Variants in ARHGEF3 observed in about 807,000 individuals in gnomAD.
ARHGEF3 encodes the protein Rho guanine nucleotide exchange factor 3.
ARHGEF3 carries 28 observed loss-of-function variants against 63.2 expected under a neutral mutation model. That is an observed-to-expected ratio of 0.44 (90% CI 0.33 to 0.61). The LOEUF is 0.61. ARHGEF3 is among the 20% of genes least tolerant of loss of function. The probability of loss-of-function intolerance (pLI) is 0.03; values close to 1 mark genes in which losing one functional copy is unlikely to be tolerated. For synonymous variants in ARHGEF3, 266 were observed against 254.2 expected (o/e 1.05, Z -0.44); for missense variants, 533 against 659.3 (o/e 0.81, Z 2.10).
intron 4 of ARHGEF3, among the ~76,000 whole-genome samples, chr3:56,844,583 A>G (rs1036320222): frequency 1.3e-5 from 2 of 152,230 alleles, no homozygotes; most frequent in African/African-American, 4.8e-5. Context: ...CCAGGATTCC[A>G]GCCAACAGGT....
chr3:57,074,560 GATCA>G (rs904433146), intron 1 of ARHGEF3: 108 of 365,888 alleles, frequency 3.0e-4, no homozygotes, highest in African/African-American at 2.1e-3. Context: ...GACATCAATT[GATCA>G]ATCAATCGAT....
intron 1 of ARHGEF3, among the ~76,000 whole-genome samples, chr3:57,047,608 G>A (rs1318041659): frequency 6.6e-6 from 1 of 152,130 alleles, no homozygotes; most frequent in African/African-American, 2.4e-5. Flanking sequence ...CCATGCAAAG[G>A]TCAGTGTCCT....
intron 4 of ARHGEF3, among the ~76,000 whole-genome samples, chr3:56,868,457 G>A (rs1042256866): frequency 1.3e-5 from 2 of 151,724 alleles, no homozygotes; most frequent in Non-Finnish European, 1.5e-5. Flanking sequence ...ACCCACCCTG[G>A]GTTCAAGCAA....
Position 56,801,913 on chromosome 3 carries a change from G to T in ARHGEF3, c.-115C>A. On this transcript the variant is annotated 5_prime_UTR_variant, in exon 1 of 10. Coordinates refer to ENST00000296315, the MANE Select transcript of ARHGEF3 (RefSeq NM_019555.3). ...TGCCGGGCGGCGGCGGCGACACGGA[G>T]ACCGACAGCCGGCTTCTAGCCGGGC... 3 of 1,518,908 alleles carry T rather than the reference G, an allele frequency of 2.0e-6. 1 individual carries two copies. The highest frequency in any genetic ancestry group is 2.4e-5 in the South Asian group (2 of 83,498). The allele number at this position is 1,518,908 out of a possible 1,614,324, so 94.1% of individuals were successfully genotyped here.
intron 3 of ARHGEF3, among the ~76,000 whole-genome samples, chr3:56,915,485 A>G (rs1002361281): frequency 6.6e-6 from 1 of 152,040 alleles, no homozygotes; most frequent in African/African-American, 2.4e-5. Flanking sequence ...AAACAAACAA[A>G]CAAATAAAGA....
At chr3:56,810,968 G>T (rs1005570555) in intron 4 of ARHGEF3, among the ~76,000 whole-genome samples, 2 of 152,174 alleles carry the variant, frequency 1.3e-5, no homozygotes, top group Non-Finnish European at 2.9e-5. Context: ...CAAATCTTCA[G>T]TCCTGAGGTG....
intron 4 of ARHGEF3, among the ~76,000 whole-genome samples, chr3:56,877,376 CTT>C (rs755860299): frequency 2.5e-4 from 34 of 136,868 alleles, no homozygotes; most frequent in Admixed American, 2.2e-4. Flanking sequence ...TACTATAATC[CTT>C]TTTTTTTTTT....
chr3:56,919,007 G>A (rs1485476155), intron 3 of ARHGEF3, among the ~76,000 whole-genome samples: 1 of 152,104 alleles, frequency 6.6e-6, no homozygotes, highest in Non-Finnish European at 1.5e-5. Context: ...GCCAGACGTA[G>A]ACAGAGGTTC....
intron 4 of ARHGEF3, among the ~76,000 whole-genome samples, chr3:56,824,189 A>G (rs971367672): frequency 2.0e-5 from 3 of 152,212 alleles, no homozygotes; most frequent in African/African-American, 7.2e-5. Flanking sequence ...ACAGAATTCC[A>G]GGAATTAAGA....
intron 2 of ARHGEF3, among the ~76,000 whole-genome samples, chr3:57,033,475 T>C (rs1425894537): frequency 6.6e-6 from 1 of 151,302 alleles, no homozygotes; most frequent in African/African-American, 2.4e-5. Flanking sequence ...GGACATATTA[T>C]TGAATTTATA....
chr3:57,052,200 G>A (rs764589366), intron 1 of ARHGEF3, among the ~76,000 whole-genome samples: 3 of 152,170 alleles, frequency 2.0e-5, no homozygotes, highest in Admixed American at 1.3e-4. Context: ...CCAGCGTGCC[G>A]CTTGTTCTTG....
At chr3:57,006,619 C>T (rs1316775108) in intron 2 of ARHGEF3, among the ~76,000 whole-genome samples, 1 of 152,184 alleles carries the variant, frequency 6.6e-6, no homozygotes, top group Non-Finnish European at 1.5e-5. Context: ...CCACCCCCAA[C>T]AGGCAGATCG....
intron 3 of ARHGEF3, among the ~76,000 whole-genome samples, chr3:56,889,963 G>A (rs2108278724): frequency 6.6e-6 from 1 of 152,054 alleles, no homozygotes; most frequent in African/African-American, 2.4e-5. Context: ...CCAGAAGGCT[G>A]AGGCAGGAGA....
chr3:56,785,412 C>T (rs77367835), intron 1 of ARHGEF3, among the ~76,000 whole-genome samples: 1,868 of 152,220 alleles, frequency 0.012, 71 homozygotes, highest in East Asian at 0.11. Flanking sequence ...CCGCCCACTG[C>T]CACCAACACT....
chr3:57,045,572 A>G (rs1051864115), intron 1 of ARHGEF3, among the ~76,000 whole-genome samples: 1 of 152,212 alleles, frequency 6.6e-6, no homozygotes, highest in Non-Finnish European at 1.5e-5. Flanking sequence ...TTCATATGCC[A>G]GACACCCTGC....
At position 56,920,598 on chromosome 3, in the gene ARHGEF3, T is replaced by A. The variant is rs554441905; in HGVS notation, c.129+38225A>T. Among the ~76,000 whole-genome samples, 24 of 152,362 alleles carry A rather than the reference T, an allele frequency of 1.6e-4. No homozygotes were observed. The South Asian group carries it at 2.9e-3, about 18-fold the overall frequency. ...GATGATTCTTTCCATTTGAACTTTA[T>A]CCTGGTTCCTTAATGTCTTTCTTAT... On this transcript the variant is annotated intron_variant, in intron 3 of 12. Transcript: ENST00000338458.
At chr3:56,754,944 CCAGA>C in intron 3 of ARHGEF3, 33 bp downstream of exon 3, 1 of 1,613,426 alleles carries the variant, frequency 6.2e-7, no homozygotes, top group South Asian at 1.1e-5. Flanking sequence ...CACCTTTGTT[CCAGA>C]CACACAGCCA....
chr3:57,066,278 T>C (rs1025754116), intron 1 of ARHGEF3, among the ~76,000 whole-genome samples: 4 of 151,848 alleles, frequency 2.6e-5, no homozygotes, highest in Non-Finnish European at 5.9e-5. Flanking sequence ...TTCTTTTTTT[T>C]TTTTTCTGAA....
At chr3:56,813,354 A>G (rs1299493693) in intron 4 of ARHGEF3, among the ~76,000 whole-genome samples, 1 of 152,180 alleles carries the variant, frequency 6.6e-6, no homozygotes, top group Non-Finnish European at 1.5e-5. Flanking sequence ...TCCCATTTTA[A>G]TGCATGTTAG....
Sources: gnomAD v4.1 joint callset for allele counts (sites outside exome capture counted in the v4.1 genomes callset) on GRCh38, gnomAD v4.1.1 for gene constraint, MANE v1.5 for transcripts, NCBI Gene and HGNC (gene_info 2026-07-23, HGNC 2026-07-21) for gene names.